KAZALD1: variants seen among roughly 807,000 people sequenced by gnomAD.
KAZALD1 encodes Kazal type serine peptidase inhibitor domain 1, also known as kazal-type serine protease inhibitor domain-containing protein 1.
In KAZALD1, 31 loss-of-function variants were observed where a neutral mutation model predicts 27.7. That is an observed-to-expected ratio of 1.12 (90% CI 0.84 to 1.51). KAZALD1 has a LOEUF of 1.51. Ranked by LOEUF, KAZALD1 falls within the 40% of genes most tolerant of loss-of-function variation. The pLI is 0.00. For missense variants in KAZALD1, 444 were observed against 408.9 expected (o/e 1.09, Z -0.74); for synonymous variants, 179 against 182.0 (o/e 0.98, Z 0.13).
Position 101,062,923 on chromosome 10 carries a change from G to T in KAZALD1, c.331G>T (p.Asp111Tyr). 1.2e-6 allele frequency: 2 copies of T among 1,602,754 alleles called. No individual in the cohort carries two copies. Among genetic ancestry groups the T allele is most frequent in the South Asian group, 2.2e-5 (2 of 90,988 alleles). The change falls in exon 2 of 5, where the codon GAC (aspartate) becomes TAC (tyrosine). Residue 111 changes from aspartate (D) to tyrosine (Y), a missense_variant. Asp to Tyr is a radical substitution (Grantham distance 160). Transcript: ENST00000370200. ...CGGCGAGCAGCTTGAGTGCCGGCTG[G>T]ACACAGGCGGCGACCTGAGCCGCGG... is the stretch of plus-strand genomic sequence containing the variant. The part of the protein sequence containing the change: ...HCGEQLECRL[D>Y]TGGDLSRGEV...
chr10:101,062,591 C>T lies in KAZALD1; in HGVS notation c.-2C>T. ...GAGTGCTCGCAGGGCTTCCCGCTAA[C>T]CATGCTGCCGCCGCCGCGGCCCGCA... On this transcript the variant is annotated 5_prime_UTR_variant, in exon 2 of 5. Transcript: ENST00000370200. 5.7e-6 allele frequency: 9 copies of T among 1,585,434 alleles called. No homozygotes were observed. The highest frequency in any genetic ancestry group is 7.7e-6 in the Non-Finnish European group (9 of 1,175,014).
rs1939258219 is a variant in KAZALD1 at position 101,064,385 on chromosome 10, C to T, written c.636C>T (p.Ile212=). Residue 212 remains isoleucine (I), a synonymous_variant, in exon 3 of 5, where the codon ATC becomes ATT. Coordinates refer to ENST00000370200, the MANE Select transcript of KAZALD1 (RefSeq NM_030929.5). Reference sequence around the variant, plus strand: ...AGTGGAGGAAGGATGGCTTGGACATCCAGCTGCCAGGGGATGACCCCCACA... The same window carrying T: ...AGTGGAGGAAGGATGGCTTGGACATTCAGCTGCCAGGGGATGACCCCCACA... ...SIEWRKDGLD[I]QLPGDDPHIS... The T allele has an allele frequency of 6.2e-7, 1 of 1,614,088 alleles. No homozygotes were observed. Among genetic ancestry groups the T allele is most frequent in the African/African-American group, 1.3e-5 (1 of 74,932 alleles).
chr10:101,062,937 C>G lies in KAZALD1; in HGVS notation c.345C>G (p.Asp115Glu), dbSNP rs1252836908. Reference sequence around the variant, plus strand: ...AGTGCCGGCTGGACACAGGCGGCGACCTGAGCCGCGGAGAGGTGCCGGAAC... The same window carrying G: ...AGTGCCGGCTGGACACAGGCGGCGAGCTGAGCCGCGGAGAGGTGCCGGAAC... ...QLECRLDTGG[D>E]LSRGEVPEPL... The change falls in exon 2 of 5, where the codon GAC becomes GAG. Residue 115 changes from aspartate to glutamate, a missense_variant. Transcript: ENST00000370200. 1 of 1,602,548 alleles carries G rather than the reference C, an allele frequency of 6.2e-7. No individual in the cohort carries two copies. The highest frequency in any genetic ancestry group is 1.3e-5 in the African/African-American group (1 of 75,038).
downstream of KAZALD1, chr10:101,068,027 G>A (rs759384720): frequency 2.1e-6 from 1 of 471,696 alleles, no homozygotes; most frequent in African/African-American, 2.0e-5. Context: ...TAGCGAAGGA[G>A]TGCCATCTGG....
chr10:101,064,193 A>G, intron 2 of KAZALD1, 68 bp from the exon 3 acceptor site: 3 of 1,576,520 alleles, frequency 1.9e-6, no homozygotes, highest in Non-Finnish European at 2.6e-6. Context: ...TTTGTGTATC[A>G]TGTCTTTGCC....
At position 101,062,673 on chromosome 10, in the gene KAZALD1, G is replaced by C; in HGVS notation, c.81G>C (p.Pro27=). 1 of 1,548,434 alleles carries C rather than the reference G, an allele frequency of 6.5e-7. No homozygotes were observed. Among genetic ancestry groups the C allele is most frequent in the Non-Finnish European group, 8.7e-7 (1 of 1,155,144 alleles). The change falls in exon 2 of 5, where the codon CCG becomes CCC. Residue 27 remains proline (P), a synonymous_variant. Coordinates refer to ENST00000370200, the MANE Select transcript of KAZALD1 (RefSeq NM_030929.5). ...TGCTGGTGGTGCTGACGCCGCCCCC[G>C]ACCGGCGCAAGGCCATCCCCAGGCC... ...LLLLVVLTPP[P]TGARPSPGPD... is the part of the protein sequence containing the mutation.
In KAZALD1 at chr10:101,062,873, C is replaced by T. The variant is rs773460525; in HGVS notation, c.281C>T (p.Pro94Leu). The T allele has an allele frequency of 6.2e-7, 1 of 1,602,742 alleles. No homozygotes were observed. Among genetic ancestry groups the T allele is most frequent in the Non-Finnish European group, 8.5e-7 (1 of 1,179,546 alleles). ...NLEGQLCDLD[P>L]SAHFYGHCGE... Reference sequence around the variant, plus strand: ...GAGGGCCAGCTCTGCGACCTGGACCCCAGTGCTCACTTCTACGGGCACTGC... The same window carrying T: ...GAGGGCCAGCTCTGCGACCTGGACCTCAGTGCTCACTTCTACGGGCACTGC... The change falls in exon 2 of 5, where the codon CCC becomes CTC. Residue 94 changes from proline (P) to leucine (L), a missense_variant. Pro to Leu is a moderately conservative substitution (Grantham distance 98). Transcript: ENST00000370200.
chr10:101,063,292 G>A (rs1320612134), intron 2 of KAZALD1, among the ~76,000 whole-genome samples, 189 bp downstream of exon 2: 1 of 152,184 alleles, frequency 6.6e-6, no homozygotes, highest in African/African-American at 2.4e-5. Flanking sequence ...GGGGGTGGGG[G>A]GTGGAGTGGA....
chr10:101,062,914 TG>T lies in KAZALD1; in HGVS notation c.323del (p.Cys108SerfsTer9). 1 of 1,603,174 alleles carries T rather than the reference TG, an allele frequency of 6.2e-7. No homozygotes were observed. Among genetic ancestry groups the T allele is most frequent in the Non-Finnish European group, 8.5e-7 (1 of 1,179,634 alleles). ...CGGGCACTGCGGCGAGCAGCTTGAG[TG>T]CCGGCTGGACACAGGCGGCGACCTG... ...FYGHCGEQLE[C>X]RLDTGGDLSR... is the part of the protein sequence containing the mutation. On this transcript the variant is annotated frameshift_variant, in exon 2 of 5. Coordinates refer to ENST00000370200, the MANE Select transcript of KAZALD1 (RefSeq NM_030929.5). LOFTEE classifies it high-confidence loss of function.
intron 2 of KAZALD1, 39 bp from the exon 3 acceptor site, chr10:101,064,222 G>T: frequency 6.2e-7 from 1 of 1,610,458 alleles, no homozygotes. Flanking sequence ...TGCCTTTGCT[G>T]GGCCATGCTA....
Position 101,066,097 on chromosome 10 carries a change from C to T in KAZALD1, c.*1177C>T, listed in dbSNP as rs547481883. On this transcript the variant is annotated 3_prime_UTR_variant, in exon 5 of 5. Transcript: ENST00000370200. ...TCCCCAAATCTCTTTCCTCATTCTC[C>T]TTACCTATCCCAGGGACACTGGTGA... is the stretch of plus-strand genomic sequence containing the variant. Among the ~76,000 whole-genome samples, 1 of 152,378 alleles carries T rather than the reference C, an allele frequency of 6.6e-6. No individual in the cohort carries two copies. Among genetic ancestry groups the T allele is most frequent in the African/African-American group, 2.4e-5 (1 of 41,602 alleles).
At chr10:101,067,604 C>G, downstream of KAZALD1, 4 of 336,260 alleles carry the variant, frequency 1.2e-5, no homozygotes, top group South Asian at 9.2e-5. Flanking sequence ...CCCTGACCCC[C>G]TCCTCGGGCT....
rs1429939107 is a variant in KAZALD1, at chr10:101,066,524, C to G, written c.*1604C>G. The G allele has an allele frequency of 4.4e-6, 2 of 454,182 alleles. No homozygotes were observed. Among genetic ancestry groups the G allele is most frequent in the Non-Finnish European group, 8.9e-6 (2 of 225,056 alleles). The allele number at this position is 454,182 out of a possible 1,614,324, so 28.1% of individuals were successfully genotyped here. A position where few individuals can be genotyped will look rare whatever the true frequency, so the allele number is the denominator to read the frequency against. On this transcript the variant is annotated 3_prime_UTR_variant, in exon 5 of 5. Coordinates refer to ENST00000370200, the MANE Select transcript of KAZALD1 (RefSeq NM_030929.5). ...TGGATACCGGGAGCCGATTCCAGGG[C>G]GCCCACAGAAGCAGAATCAGAGGGG...
Position 101,062,920 on chromosome 10 carries a change from C to G in KAZALD1, c.328C>G (p.Leu110Val). The change falls in exon 2 of 5, where the codon CTG (leucine) becomes GTG (valine). Residue 110 changes from leucine to valine, a missense_variant. By Grantham distance (32) the Leu-to-Val change is conservative (BLOSUM62 1). Transcript: ENST00000370200. Reference protein sequence around the residue: ...GHCGEQLECRLDTGGDLSRGE... With the variant: ...GHCGEQLECRVDTGGDLSRGE... The stretch of plus-strand genomic sequence containing the variant: ...CTGCGGCGAGCAGCTTGAGTGCCGG[C>G]TGGACACAGGCGGCGACCTGAGCCG... The G allele has an allele frequency of 6.2e-7, 1 of 1,603,096 alleles. No homozygotes were observed. The highest frequency in any genetic ancestry group is 8.5e-7 in the Non-Finnish European group (1 of 1,179,620).
In KAZALD1 at chr10:101,062,916, C is replaced by T; in HGVS notation, c.324C>T (p.Cys108=). 1 of 1,603,040 alleles carries T rather than the reference C, an allele frequency of 6.2e-7. No individual in the cohort carries two copies. ...FYGHCGEQLE[C]RLDTGGDLSR... is the part of the protein sequence containing the mutation. ...GGCACTGCGGCGAGCAGCTTGAGTG[C>T]CGGCTGGACACAGGCGGCGACCTGA... The change falls in exon 2 of 5, where the codon TGC becomes TGT. Residue 108 remains cysteine, a synonymous_variant. Coordinates refer to ENST00000370200, the MANE Select transcript of KAZALD1 (RefSeq NM_030929.5).
rs759384695 is a variant in KAZALD1, at chr10:101,062,995, T to C, written c.403T>C (p.Cys135Arg). The C allele has an allele frequency of 8.1e-6, 13 of 1,600,918 alleles. No homozygotes were observed. The highest frequency in any genetic ancestry group is 1.1e-5 in the Non-Finnish European group (13 of 1,179,228). Residue 135 changes from cysteine to arginine, a missense_variant, in exon 2 of 5, where the codon TGC (cysteine) becomes CGC (arginine). By Grantham distance (180) the Cys-to-Arg change is radical. Transcript: ENST00000370200. ...TGCCTGTCGTTCGCAGAGTCCGCTC[T>C]GCGGGTCCGACGGTCACACCTACTC... ...LCACRSQSPL[C>R]GSDGHTYSQI...
chr10:101,062,437 G>A, intron 1 of KAZALD1, 105 bp from the exon 2 acceptor site: 1 of 1,139,042 alleles, frequency 8.8e-7, no homozygotes, highest in Non-Finnish European at 1.2e-6. Flanking sequence ...GGTAGCAGGG[G>A]AGGGGGCGAT....
rs977866197 is a variant in KAZALD1 at position 101,065,470 on chromosome 10, G to A, written c.*550G>A. On this transcript the variant is annotated 3_prime_UTR_variant, in exon 5 of 5. Transcript: ENST00000370200. ...TCTTTTGTACAAGAGAGAGAACAGC[G>A]GAGCATGACTTAGTTCAGTGCAGAG... The A allele has an allele frequency of 4.8e-5, 8 of 166,106 alleles. No individual in the cohort carries two copies. The highest frequency in any genetic ancestry group is 9.2e-5 in the Non-Finnish European group (7 of 75,728). 10.3% of individuals were successfully genotyped at this position (166,106 alleles called of 1,614,324 possible).
chr10:101,067,872 A>C (rs1411507133), downstream of KAZALD1: 3 of 469,568 alleles, frequency 6.4e-6, no homozygotes, highest in Non-Finnish European at 1.3e-5. Flanking sequence ...TTGGGGACCG[A>C]GGACACCCTC....
Sources: allele counts gnomAD v4.1 joint callset (sites outside exome capture counted in the v4.1 genomes callset), GRCh38; gene constraint gnomAD v4.1.1; transcripts MANE v1.5; gene names NCBI Gene and HGNC (gene_info 2026-07-23, HGNC 2026-07-21).